Variants in SLC24A1 observed in about 807,000 individuals in gnomAD.
The protein encoded by SLC24A1 is solute carrier family 24 member 1, also known as sodium/potassium/calcium exchanger 1.
A neutral mutation model predicts 88.1 loss-of-function variants in SLC24A1; 52 were observed. That is an observed-to-expected ratio of 0.59 (90% CI 0.47 to 0.74). The LOEUF (loss-of-function observed/expected upper bound fraction) is 0.74. Among genes scored for constraint, SLC24A1 ranks in the 30% least tolerant of loss-of-function variants. The probability of loss-of-function intolerance (pLI) is 0.00; values close to 1 mark genes in which losing one functional copy is unlikely to be tolerated. For missense variants in SLC24A1, 1,173 were observed against 1,363.3 expected, an observed-to-expected ratio of 0.86 and a Z score of 2.20; for synonymous variants, 455 against 498.0, an observed-to-expected ratio of 0.91 and a Z score of 1.15.
chr15:65,636,438 C>T (rs1327233934), intron 2 of SLC24A1, among the ~76,000 whole-genome samples: 5 of 151,990 alleles, frequency 3.3e-5, no homozygotes, highest in South Asian at 4.1e-4. Flanking sequence ...AAAAACTAGC[C>T]GGGTGTCGTA....
intron 3 of SLC24A1, 124 bp downstream of exon 3, chr15:65,638,305 G>A (rs1303357835): frequency 2.3e-5 from 16 of 701,672 alleles, no homozygotes; most frequent in South Asian, 1.4e-4. Flanking sequence ...GAAACTCCTG[G>A]GAGCGCTGCC....
At chr15:65,637,998 A>G (rs2074996742) in intron 2 of SLC24A1, 130 bp from the exon 3 acceptor site, 1 of 715,112 alleles carries the variant, frequency 1.4e-6, no homozygotes, top group Non-Finnish European at 2.6e-6. Context: ...ATGTTGAAAC[A>G]TTTTCTGAGA....
chr15:65,653,588 C>T (rs747757264), intron 9 of SLC24A1, among the ~76,000 whole-genome samples: 1 of 151,810 alleles, frequency 6.6e-6, no homozygotes, highest in Non-Finnish European at 1.5e-5. Flanking sequence ...AAAAACAAAG[C>T]TCAGACTCAG....
At chr15:65,629,972 T>A (rs1450181981) in intron 2 of SLC24A1, among the ~76,000 whole-genome samples, 1 of 152,164 alleles carries the variant, frequency 6.6e-6, no homozygotes, top group Non-Finnish European at 1.5e-5. Flanking sequence ...AGGACTTTTT[T>A]ATTTATTTTT....
intron 4 of SLC24A1, among the ~76,000 whole-genome samples, chr15:65,641,381 C>CAAAT (rs61152849): frequency 6.7e-6 from 1 of 149,864 alleles, no homozygotes. Context: ...AACAAACAAA[C>CAAAT]AAATAAATAA....
upstream of SLC24A1, among the ~76,000 whole-genome samples, chr15:65,616,937 TACGTGTGGCTAGCCAGTTTCTGCAGC>T (rs2074164189): frequency 6.6e-6 from 1 of 152,264 alleles, no homozygotes; most frequent in Non-Finnish European, 1.5e-5. Flanking sequence ...TTCAGCTTTC[TACGTGTGGCTAGCCAGTTTCTGCAGC>T]ACCATTTATT....
At position 65,625,765 on chromosome 15, in the gene SLC24A1, T is replaced by C; in HGVS notation, c.1685T>C (p.Val562Ala). 6.2e-7 allele frequency: 1 copy of C among 1,614,072 alleles called. No homozygotes were observed. Among genetic ancestry groups the C allele is most frequent in the Non-Finnish European group, 8.5e-7 (1 of 1,179,890 alleles). The change falls in exon 2 of 10, where the codon GTC (valine) becomes GCC (alanine). Residue 562 changes from valine (V) to alanine (A), a missense_variant. Val to Ala is a moderately conservative substitution (Grantham distance 64, BLOSUM62 0). Transcript: ENST00000261892. ...NLTWWPLFRDVSFYILDLIML... is the reference protein window; with the variant it reads ...NLTWWPLFRDASFYILDLIML... ...ACCTGGTGGCCCTTATTCCGTGATGTCTCCTTCTACATCCTTGACCTGATA... is the reference window on the plus strand; with the variant it reads ...ACCTGGTGGCCCTTATTCCGTGATGCCTCCTTCTACATCCTTGACCTGATA...
Position 65,624,773 on chromosome 15 carries a change from A to T in SLC24A1, c.693A>T (p.Ile231=). 6.2e-7 allele frequency: 1 copy of T among 1,613,884 alleles called. No homozygotes were observed. The highest frequency in any genetic ancestry group is 8.5e-7 in the Non-Finnish European group (1 of 1,179,832). The change falls in exon 2 of 10, where the codon ATA becomes ATT. Residue 231 remains isoleucine (I), a synonymous_variant. Transcript: ENST00000261892. ...GTGACATTACAGCAACCTATAAAAT[A>T]CTCGAAACCAACTCTCTTAAGAGAA... ...KDSDITATYK[I]LETNSLKRIM...
Position 65,625,471 on chromosome 15 carries a change from ATGTGTT to A in SLC24A1, c.1396_1401del (p.Phe466_Val467del), listed in dbSNP as rs2074477750. The A allele has an allele frequency of 6.2e-7, 1 of 1,613,884 alleles. No homozygotes were observed. Among genetic ancestry groups the A allele is most frequent in the East Asian group, 2.2e-5 (1 of 44,860 alleles). ...GTCCTGCACGTTTTTGGCATGATGT[ATGTGTT>A]TGTGGCCTTGGCCATTGTTTGCGAC... On this transcript the variant is annotated inframe_deletion, in exon 2 of 10. Transcript: ENST00000261892.
chr15:65,620,335 T>TTGTCCAAACTCACATGGCTAGTACAGAG, upstream of SLC24A1, among the ~76,000 whole-genome samples: 1 of 152,264 alleles, frequency 6.6e-6, no homozygotes, highest in East Asian at 1.9e-4. Context: ...TAACACAATC[T>TTGTCCAAACTCACATGGCTAGTACAGAG]GATTGTGATA....
chr15:65,641,110 C>T (rs1019528927), intron 4 of SLC24A1, among the ~76,000 whole-genome samples: 1 of 152,146 alleles, frequency 6.6e-6, no homozygotes, highest in African/African-American at 2.4e-5. Flanking sequence ...CACAGTGGCT[C>T]ACGCCTGTAA....
At chr15:65,621,065 C>T (rs898322150), upstream of SLC24A1, among the ~76,000 whole-genome samples, 7 of 152,172 alleles carry the variant, frequency 4.6e-5, no homozygotes, top group South Asian at 2.1e-4. Context: ...TCTTACTGTT[C>T]CAGGCCACTC....
At chr15:65,626,453 T>C (rs1240104388) in intron 2 of SLC24A1, among the ~76,000 whole-genome samples, 1 of 152,198 alleles carries the variant, frequency 6.6e-6, no homozygotes, top group Non-Finnish European at 1.5e-5. Context: ...ATCCCATTAG[T>C]TCACATTCCA....
Position 65,654,585 on chromosome 15 carries a change from T to G in SLC24A1, c.*506T>G. On this transcript the variant is annotated 3_prime_UTR_variant, in exon 10 of 10. Transcript: ENST00000261892. ...GAGGTTCTATCAGGTTTGTAATCAC[T>G]GTAGCTTCAGTTATTGGTGAGTCTA... The G allele has an allele frequency of 8.3e-7, 1 of 1,211,288 alleles. No individual in the cohort carries two copies. The highest frequency in any genetic ancestry group is 1.0e-6 in the Non-Finnish European group (1 of 957,754). 75.0% of individuals were successfully genotyped at this position (1,211,288 alleles called of 1,614,324 possible). A position where few individuals can be genotyped will look rare whatever the true frequency, so the allele number is the denominator to read the frequency against.
chr15:65,611,825 T>A (rs949780884), intron 1 of SLC24A1: 1 of 152,332 alleles, frequency 6.6e-6, no homozygotes, highest in Admixed American at 6.5e-5. Flanking sequence ...AACGAGTGCC[T>A]GTAATCCCAG....
At position 65,654,101 on chromosome 15, in the gene SLC24A1, T is replaced by C. The variant is rs775432473; in HGVS notation, c.*22T>C. The C allele has an allele frequency of 1.1e-5, 18 of 1,605,854 alleles. No homozygotes were observed. Among genetic ancestry groups the C allele is most frequent in the Non-Finnish European group, 1.5e-5 (18 of 1,174,620 alleles). On this transcript the variant is annotated 3_prime_UTR_variant, in exon 10 of 10. Coordinates refer to ENST00000261892, the MANE Select transcript of SLC24A1 (RefSeq NM_004727.3). Reference sequence around the variant, plus strand: ...CTGAATCAGTCACTCTTGCTCACAATGGGCATGGATCAGAAGACCATGCAG... The same window carrying C: ...CTGAATCAGTCACTCTTGCTCACAACGGGCATGGATCAGAAGACCATGCAG...
chr15:65,641,927 C>G (rs2141624890), intron 4 of SLC24A1, among the ~76,000 whole-genome samples: 3 of 152,332 alleles, frequency 2.0e-5, no homozygotes, highest in Admixed American at 2.0e-4. Context: ...AAGCCATGAT[C>G]CGGCCCTGCT....
At chr15:65,616,901 T>A (rs557374060) in intron 2 of SLC24A1, among the ~76,000 whole-genome samples, 29 of 152,344 alleles carry the variant, frequency 1.9e-4, no homozygotes, top group Admixed American at 1.0e-3. Context: ...TTAATTTTTG[T>A]ATAAGGTGTA....
chr15:65,651,398 TG>T (rs1456414322), intron 7 of SLC24A1, among the ~76,000 whole-genome samples: 1 of 152,164 alleles, frequency 6.6e-6, no homozygotes, highest in East Asian at 1.9e-4. Context: ...TAGATTGGCC[TG>T]GTTCTAGGGC....
Sources: gnomAD v4.1 joint callset for allele counts (sites outside exome capture counted in the v4.1 genomes callset) on GRCh38, gnomAD v4.1.1 for gene constraint, MANE v1.5 for transcripts, NCBI Gene and HGNC (gene_info 2026-07-23, HGNC 2026-07-21) for gene names.